The following NHERF1 variants were observed in gnomAD, a reference collection of about 807,000 sequenced individuals.
NHERF1 encodes NHERF family PDZ scaffold protein 1, also known as Na(+)/H(+) exchange regulatory cofactor NHE-RF1.
the NHERF1 span, chr17:74,763,213 A>C: frequency 1.5e-6 from 1 of 662,700 alleles, no homozygotes. Context: ...CTAGTTCAGG[A>C]CTCTGCAGAA....
chr17:74,753,284 C>G, the NHERF1 span, among the ~76,000 whole-genome samples: 1 of 152,186 alleles, frequency 6.6e-6, no homozygotes, highest in African/African-American at 2.4e-5. Context: ...TTCCTGCCAG[C>G]CCTGACCCTG....
At chr17:74,750,495 G>A in the NHERF1 span, among the ~76,000 whole-genome samples, 14 of 152,184 alleles carry the variant, frequency 9.2e-5, no homozygotes, top group Non-Finnish European at 2.1e-4. Context: ...TGGTGGAAGT[G>A]AGGTCACCAG....
the NHERF1 span, among the ~76,000 whole-genome samples, chr17:74,767,432 T>C: frequency 6.6e-6 from 1 of 152,082 alleles, no homozygotes; most frequent in East Asian, 1.9e-4. Flanking sequence ...GCTGAAGCCA[T>C]GGAGGAACCC....
chr17:74,765,713 G>A, the NHERF1 span, among the ~76,000 whole-genome samples: 287 of 151,616 alleles, frequency 1.9e-3, no homozygotes, highest in African/African-American at 6.2e-3. Flanking sequence ...CACCATGCCC[G>A]GCTAATTTTT....
At chr17:74,756,677 C>G in the NHERF1 span, among the ~76,000 whole-genome samples, 1 of 152,176 alleles carries the variant, frequency 6.6e-6, no homozygotes, top group South Asian at 2.1e-4. Flanking sequence ...GATCTGAGCT[C>G]AAATCCTGCC....
chr17:74,768,557 C>T, the NHERF1 span: 2 of 1,614,156 alleles, frequency 1.2e-6, no homozygotes, highest in Non-Finnish European at 1.7e-6. Flanking sequence ...TCAACATCTC[C>T]CTGGCCATGG....
At chr17:74,763,262 C>T in the NHERF1 span, 1 of 1,124,384 alleles carries the variant, frequency 8.9e-7, no homozygotes, top group Non-Finnish European at 1.3e-6. Flanking sequence ...GAACTGCAAA[C>T]TGGCTGAGAA....
At chr17:74,767,664 T>C in the NHERF1 span, among the ~76,000 whole-genome samples, 2 of 152,214 alleles carry the variant, frequency 1.3e-5, no homozygotes, top group African/African-American at 2.4e-5. Context: ...ATCCACCTTC[T>C]TCTTTCAAGG....
chr17:74,749,918 C>T, the NHERF1 span, among the ~76,000 whole-genome samples: 8 of 152,186 alleles, frequency 5.3e-5, no homozygotes, highest in Non-Finnish European at 8.8e-5. This position sits in a 1 kb window ranked among gnomAD's most constrained non-coding sequence, Gnocchi z 5.6. Context: ...GTGGGGGTTG[C>T]CTGGCAGGGA....
At chr17:74,757,569 C>G in the NHERF1 span, among the ~76,000 whole-genome samples, 1 of 152,106 alleles carries the variant, frequency 6.6e-6, no homozygotes, top group Non-Finnish European at 1.5e-5. Flanking sequence ...TGGTCACTTC[C>G]CAGTGCCCCC....
At chr17:74,768,007 T>TG in the NHERF1 span, 56 of 772,238 alleles carry the variant, frequency 7.3e-5, no homozygotes, top group Middle Eastern at 2.2e-4. Context: ...GCTCAGGAGG[T>TG]GGGAACCAGG....
chr17:74,768,700 T>A, the NHERF1 span: 1 of 1,575,210 alleles, frequency 6.3e-7, no homozygotes, highest in Non-Finnish European at 8.7e-7. Flanking sequence ...GAGCCAGCAT[T>A]CCACCCCACC....
chr17:74,749,397 C>G, the NHERF1 span: 8 of 1,093,778 alleles, frequency 7.3e-6, no homozygotes, highest in Non-Finnish European at 8.8e-6. The surrounding 1 kb of genome is among the most constrained non-coding windows in gnomAD (Gnocchi z 5.6). Flanking sequence ...TTCTGAAACT[C>G]GAGCTGCGAG....
the NHERF1 span, chr17:74,763,165 TG>T: frequency 1.8e-6 from 1 of 546,804 alleles, no homozygotes; most frequent in Non-Finnish European, 3.2e-6. Flanking sequence ...CCATGTATCC[TG>T]CCTCCCCAGC....
the NHERF1 span, among the ~76,000 whole-genome samples, chr17:74,766,394 G>T: frequency 6.6e-6 from 1 of 151,892 alleles, no homozygotes; most frequent in African/African-American, 2.4e-5. Context: ...GTAGAGACGG[G>T]GTTTCACCAT....
chr17:74,755,682 G>A, the NHERF1 span, among the ~76,000 whole-genome samples: 1 of 152,122 alleles, frequency 6.6e-6, no homozygotes, highest in African/African-American at 2.4e-5. Context: ...ATGGCCAGGG[G>A]TATTTAGAGG....
chr17:74,749,338 G>T, the NHERF1 span: 1 of 1,465,670 alleles, frequency 6.8e-7, no homozygotes, highest in South Asian at 1.3e-5. This position sits in a 1 kb window ranked among gnomAD's most constrained non-coding sequence, Gnocchi z 5.6. Context: ...AGGAGGATCC[G>T]GAGAGACCCA....
At chr17:74,760,119 C>A in the NHERF1 span, among the ~76,000 whole-genome samples, 19 of 152,258 alleles carry the variant, frequency 1.2e-4, 1 homozygote, top group African/African-American at 4.6e-4. The surrounding 1 kb of genome is among the most constrained non-coding windows in gnomAD (Gnocchi z 4.5). Context: ...ACCTAGGCGG[C>A]CCGGGGGAGG....
the NHERF1 span, chr17:74,748,689 G>T: frequency 1.6e-6 from 1 of 633,048 alleles, no homozygotes; most frequent in Non-Finnish European, 2.6e-6. The surrounding 1 kb of genome is among the most constrained non-coding windows in gnomAD (Gnocchi z 4.3). Flanking sequence ...GGCTCGCGGC[G>T]GCCGACGGTT....
Sources: allele counts gnomAD v4.1 joint callset (sites outside exome capture counted in the v4.1 genomes callset), GRCh38; gene constraint gnomAD v4.1.1; non-coding constraint Gnocchi (gnomAD v3.1); transcripts MANE v1.5; gene names NCBI Gene and HGNC (gene_info 2026-07-23, HGNC 2026-07-21).